Variants in STAC3 observed in about 807,000 individuals in gnomAD.
STAC3 encodes SH3 and cysteine-rich domain-containing protein 3.
Under a neutral mutation model 48.5 loss-of-function variants are expected in STAC3, and 30 were observed. The observed-to-expected ratio is 0.62, with a 90% CI of 0.46 to 0.84. STAC3 has a LOEUF of 0.84. Ranked by LOEUF, STAC3 falls within the 40% of genes least tolerant of loss-of-function variation. The pLI is 0.00. For synonymous variants in STAC3, 144 were observed against 158.6 expected (o/e 0.91, Z 0.69); for missense variants, 419 against 462.6 (o/e 0.91, Z 0.86).
rs747064895 is a variant in STAC3, at chr12:57,249,041, G to A, written c.334C>T (p.Leu112Phe). ...CTCTTCACTTCCCTTCATGACTCAC[G>A]AACAATCATCCGGGCACAGACATCA... Reference protein sequence around the residue: ...FCDVCARMIVLNNKFGLRCKN... With the variant: ...FCDVCARMIVFNNKFGLRCKN... Residue 112 changes from leucine (L) to phenylalanine (F), a missense_variant and splice_region_variant, in exon 3 of 12, where the codon CTC (leucine) becomes TTC (phenylalanine). Physicochemically the swap from Leu to Phe is conservative, Grantham distance 22 (BLOSUM62 0). Coordinates refer to ENST00000332782, the MANE Select transcript of STAC3 (RefSeq NM_145064.3). 7.6e-6 allele frequency: 12 copies of A among 1,586,112 alleles called. No homozygotes were observed. The East Asian group carries it at 9.0e-5, about 12-fold the overall frequency.
At position 57,248,166 on chromosome 12, in the gene STAC3, T is replaced by G. The variant is rs112950677; in HGVS notation, c.465A>C (p.Pro155=). The G allele has an allele frequency of 1.2e-6, 2 of 1,613,736 alleles. No individual in the cohort carries two copies. The highest frequency in any genetic ancestry group is 1.7e-5 in the Admixed American group (1 of 59,968). ...AAGCGTACTGCTGGTTGCTGTAGAG[T>G]GGGGAACTATAGGCCCGATGGAAAC... ...PPGFHRAYSS[P]LYSNQQYACV... Residue 155 remains proline, a synonymous_variant, in exon 5 of 12, where the codon CCA becomes CCC. Transcript: ENST00000332782.
At chr12:57,247,176 A>G (rs1268541815) in intron 5 of STAC3, among the ~76,000 whole-genome samples, 1 of 152,164 alleles carries the variant, frequency 6.6e-6, no homozygotes, top group Non-Finnish European at 1.5e-5. Flanking sequence ...TGTTTGAAAC[A>G]CAACTTTGCT....
chr12:57,246,371 T>A (rs1565781304), intron 6 of STAC3, among the ~76,000 whole-genome samples: 1 of 145,760 alleles, frequency 6.9e-6, no homozygotes, highest in Non-Finnish European at 1.5e-5. Flanking sequence ...CCTTCCTTCC[T>A]TCCTTTCCTT....
chr12:57,249,395 T>A, intron 2 of STAC3, 87 bp from the exon 3 acceptor site: 1 of 1,514,586 alleles, frequency 6.6e-7, no homozygotes, highest in Admixed American at 2.1e-5. Flanking sequence ...ACTAGACAGT[T>A]TTCTAGTTTC....
intron 1 of STAC3, among the ~76,000 whole-genome samples, chr12:57,250,105 C>T (rs2037866555): frequency 6.6e-6 from 1 of 152,118 alleles, no homozygotes; most frequent in Non-Finnish European, 1.5e-5. Context: ...AAAAGCTTAA[C>T]ATGGCCGGGT....
chr12:57,246,951 G>C (rs778371697), intron 5 of STAC3, 50 bp from the exon 6 acceptor site: 1 of 1,572,088 alleles, frequency 6.4e-7, no homozygotes, highest in Non-Finnish European at 8.7e-7. Flanking sequence ...GCAGAGAAAG[G>C]CTTGGAGGAA....
intron 4 of STAC3, 42 bp downstream of exon 4, chr12:57,248,664 C>G (rs1384965649): frequency 1.3e-6 from 2 of 1,515,660 alleles, no homozygotes; most frequent in Non-Finnish European, 1.8e-6. Flanking sequence ...TGAGCCACCA[C>G]GCGTGGCCAT....
At chr12:57,246,126 A>G (rs1332898691) in intron 6 of STAC3, among the ~76,000 whole-genome samples, 1 of 151,730 alleles carries the variant, frequency 6.6e-6, no homozygotes, top group Admixed American at 6.6e-5. Context: ...AAAAAAAAAA[A>G]AAAAAAGAGC....
Position 57,249,646 on chromosome 12 carries a change from G to C in STAC3, c.-1-9C>G. 1.2e-6 allele frequency: 2 copies of C among 1,613,816 alleles called. No homozygotes were observed. Among genetic ancestry groups the C allele is most frequent in the South Asian group, 1.1e-5 (1 of 91,064 alleles). ...CCTCCTTTTCTGTCATCCTGCAAGA[G>C]GTTGGACCCCACTATGAAATCTAAT... On this transcript the variant is annotated splice_polypyrimidine_tract_variant and intron_variant, in intron 1 of 11. Coordinates refer to ENST00000332782, the MANE Select transcript of STAC3 (RefSeq NM_145064.3).
intron 5 of STAC3, among the ~76,000 whole-genome samples, chr12:57,247,419 ATTATTATTATTTTT>A (rs1565782027): frequency 2.3e-5 from 2 of 88,646 alleles, no homozygotes; most frequent in East Asian, 3.0e-4. Context: ...TATTATTATT[ATTATTATTATTTTT>A]TTTTTTTTTT....
chr12:57,247,267 C>A (rs867908166), intron 5 of STAC3, among the ~76,000 whole-genome samples: 1 of 152,062 alleles, frequency 6.6e-6, no homozygotes, highest in Non-Finnish European at 1.5e-5. Flanking sequence ...TTTTGTTCTG[C>A]TAAATGGCAT....
chr12:57,249,481 C>T, intron 2 of STAC3, 90 bp downstream of exon 2: 1 of 1,549,346 alleles, frequency 6.5e-7, no homozygotes, highest in Non-Finnish European at 8.8e-7. Flanking sequence ...AAAAATGAGT[C>T]ACACACAAAT....
chr12:57,249,188 TGTA>T lies in STAC3; in HGVS notation c.184_186del (p.Tyr62del), dbSNP rs2037839479. ...TCTTCCTCTTCCTCTTCCTCATAGA[TGTA>T]GTAGATGGGCCCACCCCCAGCTCCC... On this transcript the variant is annotated inframe_deletion, in exon 3 of 12. Transcript: ENST00000332782. The T allele has an allele frequency of 6.2e-7, 1 of 1,614,018 alleles. No homozygotes were observed. The highest frequency in any genetic ancestry group is 8.5e-7 in the Non-Finnish European group (1 of 1,180,000).
At position 57,243,700 on chromosome 12, in the gene STAC3, T is replaced by G; in HGVS notation, c.*112A>C. The G allele has an allele frequency of 1.9e-6, 2 of 1,040,210 alleles. No individual in the cohort carries two copies. The highest frequency in any genetic ancestry group is 2.9e-6 in the Non-Finnish European group (2 of 680,974). 64.4% of individuals were successfully genotyped at this position (1,040,210 alleles called of 1,614,324 possible). The stretch of plus-strand genomic sequence containing the variant: ...AAGCCCCGTCGCGCTCAGGCGGGCC[T>G]TCCTACCCCTCCTCTCCCAGCAGTC... On this transcript the variant is annotated 3_prime_UTR_variant, in exon 12 of 12. Transcript: ENST00000332782.
Position 57,243,780 on chromosome 12 carries a change from T to C in STAC3, c.*32A>G. The C allele has an allele frequency of 6.3e-7, 1 of 1,596,958 alleles. No homozygotes were observed. The highest frequency in any genetic ancestry group is 8.6e-7 in the Non-Finnish European group (1 of 1,165,540). Reference sequence around the variant, plus strand: ...CACTGGGCCCGCCCAGAATGGGGTGTGGGTGTCTCCCGCTTGCAGGCGCCC... The same window carrying C: ...CACTGGGCCCGCCCAGAATGGGGTGCGGGTGTCTCCCGCTTGCAGGCGCCC... On this transcript the variant is annotated 3_prime_UTR_variant, in exon 12 of 12. Transcript: ENST00000332782.
Position 57,244,322 on chromosome 12 carries a change from C to G in STAC3, c.851G>C (p.Trp284Ser), listed in dbSNP as rs140291094. Residue 284 changes from tryptophan (W) to serine (S), a missense_variant, in exon 10 of 12, where the codon TGG (tryptophan) becomes TCG (serine). Coordinates refer to ENST00000332782, the MANE Select transcript of STAC3 (RefSeq NM_145064.3). ...CCTAGCCATTTCTCTCACCCGCCAC[C>G]ATTCTTCATTGGAGTCATCAATGAC... Reference protein sequence around the residue: ...ITVIDDSNEEWWRGKIGEKVG... With the variant: ...ITVIDDSNEESWRGKIGEKVG... 104 of 1,614,214 alleles carry G rather than the reference C, an allele frequency of 6.4e-5. No homozygotes were observed. In the African/African-American group the frequency reaches 1.0e-3, roughly 16 times the overall value.
At chr12:57,245,978 A>G (rs139608263) in intron 6 of STAC3, among the ~76,000 whole-genome samples, 1,793 of 152,026 alleles carry the variant, frequency 0.012, 33 homozygotes, top group African/African-American at 0.041. Flanking sequence ...GCATGGTGGC[A>G]CATGCCTGTA....
At chr12:57,247,080 T>C (rs549491995) in intron 5 of STAC3, among the ~76,000 whole-genome samples, 179 bp from the exon 6 acceptor site, 1 of 152,158 alleles carries the variant, frequency 6.6e-6, no homozygotes, top group African/African-American at 2.4e-5. Flanking sequence ...CACCAATCTA[T>C]AAAGGACTTT....
rs773757374 is a variant in STAC3 at position 57,248,773 on chromosome 12, T to C, written c.365A>G (p.Asn122Ser). 6.2e-7 allele frequency: 1 copy of C among 1,614,120 alleles called. No homozygotes were observed. The highest frequency in any genetic ancestry group is 8.5e-7 in the Non-Finnish European group (1 of 1,179,996). Reference protein sequence around the residue: ...LNNKFGLRCKNCKTNIHEHCQ... With the variant: ...LNNKFGLRCKSCKTNIHEHCQ... Reference sequence around the variant, plus strand: ...GTGTTCATGGATGTTGGTTTTGCAGTTCTTACAGCGAAGCCCAAACTTGTT... The same window carrying C: ...GTGTTCATGGATGTTGGTTTTGCAGCTCTTACAGCGAAGCCCAAACTTGTT... The change falls in exon 4 of 12, where the codon AAC (asparagine) becomes AGC (serine). Residue 122 changes from asparagine (N) to serine (S), a missense_variant. Transcript: ENST00000332782.
Sources: gnomAD v4.1 joint callset for allele counts (sites outside exome capture counted in the v4.1 genomes callset) on GRCh38, gnomAD v4.1.1 for gene constraint, MANE v1.5 for transcripts, NCBI Gene and HGNC (gene_info 2026-07-23, HGNC 2026-07-21) for gene names.